The following IFI44L variants were observed in gnomAD, a reference collection of about 807,000 sequenced individuals.
IFI44L encodes interferon induced protein 44 like.
Under a neutral mutation model 39.3 loss-of-function variants are expected in IFI44L, and 40 were observed. The observed-to-expected ratio is 1.02, with a 90% CI of 0.79 to 1.33. IFI44L has a LOEUF of 1.33. Ranked by LOEUF, IFI44L falls within the 40% of genes most tolerant of loss-of-function variation. The probability of loss-of-function intolerance (pLI) is 0.00; values close to 1 mark genes in which losing one functional copy is unlikely to be tolerated. For synonymous variants in IFI44L, 198 were observed against 182.3 expected, an observed-to-expected ratio of 1.09 and a Z score of -0.69; for missense variants, 623 against 549.0, an observed-to-expected ratio of 1.13 and a Z score of -1.35.
rs1646984017 is a variant in IFI44L at position 78,641,560 on chromosome 1, G to T, written c.1275G>T (p.Met425Ile). 1 of 1,613,596 alleles carries T rather than the reference G, an allele frequency of 6.2e-7. No individual in the cohort carries two copies. Among genetic ancestry groups the T allele is most frequent in the Non-Finnish European group, 8.5e-7 (1 of 1,179,728 alleles). ...DILILSALRQ[M>I]LRAADDFLED... ...TCATCCTCTCTGCACTGAGGCAGAT[G>T]CTGCGGGCTGCAGATGATTTTTTAG... The change falls in exon 8 of 9, where the codon ATG becomes ATT. Residue 425 changes from methionine to isoleucine, a missense_variant. Met to Ile is a conservative substitution (Grantham distance 10). Transcript: ENST00000370751.
At chr1:78,627,318 T>G (rs41292962) in intron 1 of IFI44L, 3 of 152,214 alleles carry the variant, frequency 2.0e-5, no homozygotes, top group Non-Finnish European at 4.4e-5. Flanking sequence ...TATGCTGCTG[T>G]AAGACTTCTA....
chr1:78,624,674 G>C (rs1432970401), intron 1 of IFI44L, among the ~76,000 whole-genome samples: 1 of 152,072 alleles, frequency 6.6e-6, no homozygotes, highest in African/African-American at 2.4e-5. Context: ...TATTGAAAGT[G>C]GGCTATCAAA....
intron 4 of IFI44L, among the ~76,000 whole-genome samples, chr1:78,632,778 T>A (rs1652801524): frequency 6.6e-6 from 1 of 152,180 alleles, no homozygotes; most frequent in South Asian, 2.1e-4. Context: ...GAGCCACATA[T>A]GAGATTACAG....
intron 1 of IFI44L, chr1:78,620,783 A>G (rs774883820): frequency 1.3e-5 from 2 of 152,208 alleles, no homozygotes; most frequent in Non-Finnish European, 2.9e-5. Flanking sequence ...AACTATAGTT[A>G]AACTGTTGTG....
Position 78,629,745 on chromosome 1 carries a change from A to T in IFI44L, c.553A>T (p.Ile185Phe). The T allele has an allele frequency of 6.2e-7, 1 of 1,613,260 alleles. No individual in the cohort carries two copies. The highest frequency in any genetic ancestry group is 1.3e-5 in the African/African-American group (1 of 74,994). Residue 185 changes from isoleucine (I) to phenylalanine (F), a missense_variant, in exon 4 of 9, where the codon ATC becomes TTC. Transcript: ENST00000370751. ...GCACAGAAATAGGCTTCTAGCAGAC[A>T]TCAGAGACTATAGGCCCTATGCAGA... is the stretch of plus-strand genomic sequence containing the variant. Reference protein sequence around the residue: ...REHRNRLLADIRDYRPYADLV... With the variant: ...REHRNRLLADFRDYRPYADLV...
At position 78,645,720 on chromosome 1, in the gene IFI44L, T is replaced by C. The variant is rs1647038725; in HGVS notation, c.*3911T>C. 6.6e-6 allele frequency: 1 copy of C among 152,186 alleles called. No homozygotes were observed. Among genetic ancestry groups the C allele is most frequent in the South Asian group, 2.1e-4 (1 of 4,828 alleles). 9.4% of individuals were successfully genotyped at this position (152,186 alleles called of 1,614,324 possible). A position where few individuals can be genotyped will look rare whatever the true frequency, so the allele number is the denominator to read the frequency against. On this transcript the variant is annotated 3_prime_UTR_variant, in exon 9 of 9. Coordinates refer to ENST00000370751, the MANE Select transcript of IFI44L (RefSeq NM_006820.4). ...AATCTGATGAGTCTATGGACCAATTTGTGGAGGACAGTAGATTAAATAGAT... is the reference window on the plus strand; with the variant it reads ...AATCTGATGAGTCTATGGACCAATTCGTGGAGGACAGTAGATTAAATAGAT...
chr1:78,624,738 C>T (rs1652421088), intron 1 of IFI44L, among the ~76,000 whole-genome samples: 4 of 152,048 alleles, frequency 2.6e-5, no homozygotes, highest in Admixed American at 2.6e-4. Flanking sequence ...TCAGTGTTTG[C>T]TTCATTTATT....
chr1:78,625,464 A>G (rs1309024688), intron 1 of IFI44L, among the ~76,000 whole-genome samples: 1 of 152,004 alleles, frequency 6.6e-6, no homozygotes, highest in Non-Finnish European at 1.5e-5. Flanking sequence ...TTTATCATTT[A>G]TTGCATCTGG....
At chr1:78,624,233 T>C (rs1360217952) in intron 1 of IFI44L, among the ~76,000 whole-genome samples, 2 of 152,166 alleles carry the variant, frequency 1.3e-5, no homozygotes, top group Non-Finnish European at 2.9e-5. Flanking sequence ...TGACCTCAAG[T>C]GTTCCGCCGA....
intron 4 of IFI44L, among the ~76,000 whole-genome samples, chr1:78,633,402 G>A (rs958552478): frequency 1.3e-5 from 2 of 152,162 alleles, no homozygotes; most frequent in Non-Finnish European, 2.9e-5. Flanking sequence ...CTCAGTCCCT[G>A]GACCACACCA....
intron 4 of IFI44L, 93 bp downstream of exon 4, chr1:78,630,008 C>T (rs1349769316): frequency 8.9e-7 from 1 of 1,119,896 alleles, no homozygotes; most frequent in South Asian, 1.3e-5. Flanking sequence ...TCCTAATATA[C>T]AATTAAATGC....
chr1:78,641,098 A>C lies in IFI44L; in HGVS notation c.1126A>C (p.Arg376=), dbSNP rs1255461588. The change falls in exon 7 of 9, where the codon AGA becomes CGA. Residue 376 remains arginine (R), a synonymous_variant. Transcript: ENST00000370751. ...TCAAGACAACTTTTTAAACATGAGTAGATCTATGACTTCTCAAAGCCGGGT... is the reference window on the plus strand; with the variant it reads ...TCAAGACAACTTTTTAAACATGAGTCGATCTATGACTTCTCAAAGCCGGGT... ...VLQDNFLNMS[R]SMTSQSRVMN... 5 of 1,609,806 alleles carry C rather than the reference A, an allele frequency of 3.1e-6. No homozygotes were observed. The highest frequency in any genetic ancestry group is 3.4e-6 in the Non-Finnish European group (4 of 1,178,422).
intron 1 of IFI44L, among the ~76,000 whole-genome samples, chr1:78,623,397 T>G (rs57266297): frequency 8.3e-4 from 4 of 4,798 alleles, no homozygotes; most frequent in East Asian, 4.0e-3. Flanking sequence ...GTGTTTTTTG[T>G]TTTTTTTTTT....
chr1:78,623,002 T>C (rs1470617001), intron 1 of IFI44L, among the ~76,000 whole-genome samples: 1 of 152,226 alleles, frequency 6.6e-6, no homozygotes, highest in African/African-American at 2.4e-5. Flanking sequence ...ATGTGTGTTG[T>C]TTTAAGTCTC....
At chr1:78,636,505 G>C (rs1464001135) in intron 5 of IFI44L, among the ~76,000 whole-genome samples, 1 of 152,008 alleles carries the variant, frequency 6.6e-6, no homozygotes, top group Admixed American at 6.6e-5. Context: ...AAAGATTACT[G>C]TCTTGTGGTA....
chr1:78,640,227 C>G (rs273253), intron 6 of IFI44L, among the ~76,000 whole-genome samples: 6,338 of 151,992 alleles, frequency 0.042, 175 homozygotes, highest in East Asian at 0.1. Context: ...GACTTAGGAC[C>G]TCTAAAAGGA....
At position 78,629,885 on chromosome 1, in the gene IFI44L, G is replaced by A. The variant is rs1262335429; in HGVS notation, c.693G>A (p.Val231=). ...FHGHVTGQAV[V]GSDITSITER... Reference sequence around the variant, plus strand: ...GCCATGTGACTGGCCAAGCCGTAGTGGGGTCTGATATCACCAGCATAACCG... The same window carrying A: ...GCCATGTGACTGGCCAAGCCGTAGTAGGGTCTGATATCACCAGCATAACCG... The change falls in exon 4 of 9, where the codon GTG becomes GTA. Residue 231 remains valine, a synonymous_variant. Coordinates refer to ENST00000370751, the MANE Select transcript of IFI44L (RefSeq NM_006820.4). 1.9e-6 allele frequency: 3 copies of A among 1,613,614 alleles called. No individual in the cohort carries two copies. The highest frequency in any genetic ancestry group is 1.1e-5 in the South Asian group (1 of 91,070).
At position 78,646,023 on chromosome 1, in the gene IFI44L, C is replaced by T. The variant is rs1223120019; in HGVS notation, c.*4214C>T. The stretch of plus-strand genomic sequence containing the variant: ...GGGTGGAGGTGGGGGGGTTGAATAA[C>T]AAGCTGTGCTAAATAATTACGTGTA... On this transcript the variant is annotated 3_prime_UTR_variant, in exon 9 of 9. Transcript: ENST00000370751. The T allele has an allele frequency of 6.6e-6, 1 of 152,140 alleles. No homozygotes were observed. Among genetic ancestry groups the T allele is most frequent in the Non-Finnish European group, 1.5e-5 (1 of 68,038 alleles). The allele number at this position is 152,140 out of a possible 1,614,324, so 9.4% of individuals were successfully genotyped here.
At chr1:78,628,594 A>G in intron 2 of IFI44L, 1 of 547,212 alleles carries the variant, frequency 1.8e-6, no homozygotes, top group Non-Finnish European at 3.2e-6. Context: ...TGCTTTGAGC[A>G]AAGCAAGTTG....
Sources: allele counts gnomAD v4.1 joint callset (sites outside exome capture counted in the v4.1 genomes callset), GRCh38; gene constraint gnomAD v4.1.1; transcripts MANE v1.5; gene names NCBI Gene and HGNC (gene_info 2026-07-23, HGNC 2026-07-21).